Variants in ZFHX3 observed in about 807,000 individuals in gnomAD.
The protein encoded by ZFHX3 is zinc finger homeobox 3.
ZFHX3 carries 42 observed loss-of-function variants against 279.1 expected under a neutral mutation model. That is an observed-to-expected ratio of 0.15 (90% CI 0.12 to 0.19). ZFHX3 has a LOEUF of 0.19. ZFHX3 is among the 10% of genes least tolerant of loss of function. The pLI is 1.00. For missense variants in ZFHX3, 4,981 were observed against 4,754.0 expected (o/e 1.05, Z -1.40); for synonymous variants, 2,293 against 1,957.8 (o/e 1.17, Z -4.52).
intron 2 of ZFHX3, among the ~76,000 whole-genome samples, chr16:73,535,722 C>CTTTTTTTTTTTT (rs56867952): frequency 2.2e-5 from 3 of 139,004 alleles, no homozygotes; most frequent in African/African-American, 2.7e-5. Flanking sequence ...TGCCCCCTAT[C>CTTTTTTTTTTTT]TTTTTTTTTT....
At position 73,459,421 on chromosome 16, in the gene ZFHX3, A is replaced by G. The variant is rs542325266; in HGVS notation, c.-1546-3163T>C. Among the ~76,000 whole-genome samples the G allele has an allele frequency of 1.7e-3, 260 of 152,230 alleles. 2 individuals carry two copies. The highest frequency in any genetic ancestry group is 0.01 in the Middle Eastern group (3 of 294). Reference sequence around the variant, plus strand: ...TATGTCGCCCAGGCTGAAGTGCAGTAGCACTATCTTGGCTGACTGCAACCT... The same window carrying G: ...TATGTCGCCCAGGCTGAAGTGCAGTGGCACTATCTTGGCTGACTGCAACCT... On this transcript the variant is annotated intron_variant, in intron 2 of 17. Transcript: ENST00000641206.
chr16:73,404,796 AC>A (rs2017326930), intron 3 of ZFHX3, among the ~76,000 whole-genome samples: 1 of 152,110 alleles, frequency 6.6e-6, no homozygotes, highest in Non-Finnish European at 1.5e-5. Context: ...TTGTTTTGCT[AC>A]CCCTCCAAGT....
chr16:72,789,460 C>A (rs1456500520), intron 9 of ZFHX3: 1 of 152,248 alleles, frequency 6.6e-6, no homozygotes, highest in Non-Finnish European at 1.5e-5. Context: ...ATAGTATGGC[C>A]ACGAGGTCCC....
chr16:72,931,549 A>G (rs1959807211), intron 3 of ZFHX3, among the ~76,000 whole-genome samples: 1 of 149,038 alleles, frequency 6.7e-6, no homozygotes, highest in Admixed American at 6.8e-5. Flanking sequence ...GACAGGGAAG[A>G]GGAGGGATGC....
chr16:73,634,433 AATATATATATATATATAT>A lies in ZFHX3; in HGVS notation c.-1547+45729_-1547+45746del, dbSNP rs60477881. ...GGCAACTCAACCAGTTATTATGTAT[AATATATATATATATATAT>A]ATATATATATAAAATATATATGTAA... On this transcript the variant is annotated intron_variant, in intron 2 of 17. Transcript: ENST00000641206. 1.9e-3 allele frequency among the ~76,000 whole-genome samples: 115 copies of A among 59,908 alleles called. 3 individuals are homozygous for A. The highest frequency in any genetic ancestry group is 0.028 in the Middle Eastern group (1 of 36). 39.3% of individuals were successfully genotyped at this position (59,908 alleles called of 152,430 possible). A position where few individuals can be genotyped will look rare whatever the true frequency, so the allele number is the denominator to read the frequency against.
At chr16:73,374,095 G>A (rs146127872) in intron 3 of ZFHX3, among the ~76,000 whole-genome samples, 2 of 152,136 alleles carry the variant, frequency 1.3e-5, no homozygotes, top group South Asian at 2.1e-4. Flanking sequence ...ATCACCTATC[G>A]ACGCAGAGGC....
At chr16:73,003,749 T>C (rs937470384) in intron 1 of ZFHX3, among the ~76,000 whole-genome samples, 2 of 151,978 alleles carry the variant, frequency 1.3e-5, no homozygotes, top group Admixed American at 6.6e-5. Context: ...ATTTTTTTAA[T>C]TGTATAGTAT....
chr16:72,859,260 C>G (rs1366677837), intron 4 of ZFHX3, among the ~76,000 whole-genome samples: 1 of 152,242 alleles, frequency 6.6e-6, no homozygotes, highest in Non-Finnish European at 1.5e-5. Context: ...GGCCAATCCT[C>G]TTTCTTTTCC....
chr16:73,600,763 A>G (rs964718755), intron 2 of ZFHX3, among the ~76,000 whole-genome samples: 3 of 152,104 alleles, frequency 2.0e-5, no homozygotes, highest in Admixed American at 2.0e-4. Flanking sequence ...AATCTGCACC[A>G]TTAGGCTTGT....
At chr16:72,913,571 G>C (rs1463226239) in intron 3 of ZFHX3, among the ~76,000 whole-genome samples, 1 of 152,170 alleles carries the variant, frequency 6.6e-6, no homozygotes, top group Non-Finnish European at 1.5e-5. Flanking sequence ...TGTTGACCTT[G>C]ATCACTTTGT....
intron 2 of ZFHX3, among the ~76,000 whole-genome samples, chr16:73,466,158 A>G (rs1389141793): frequency 6.8e-6 from 1 of 146,486 alleles, no homozygotes; most frequent in Non-Finnish European, 1.5e-5. Flanking sequence ...TTCTGCACAG[A>G]AATCATTCTT....
chr16:72,793,166 C>T lies in ZFHX3; in HGVS notation c.9427+89G>A. ...AAAGGTAAGCTTCCCATCTGCCCAG[C>T]ACTCAGAGGGTTTGGGTGGTATCCA... On this transcript the variant is annotated intron_variant, in intron 9 of 9. Coordinates refer to ENST00000268489, the MANE Select transcript of ZFHX3 (RefSeq NM_006885.4). The surrounding 1 kb of genome is among the most constrained non-coding windows in gnomAD (Gnocchi z 4.3). 6.6e-7 allele frequency: 1 copy of T among 1,516,098 alleles called. No homozygotes were observed. Among genetic ancestry groups the T allele is most frequent in the Non-Finnish European group, 8.8e-7 (1 of 1,134,762 alleles). 93.9% of individuals were successfully genotyped at this position (1,516,098 alleles called of 1,614,324 possible).
Position 72,787,515 on chromosome 16 carries a change from C to A in ZFHX3, c.10761G>T (p.Ser3587=), listed in dbSNP as rs776903532. The A allele has an allele frequency of 1.2e-6, 2 of 1,613,790 alleles. No homozygotes were observed. The highest frequency in any genetic ancestry group is 1.7e-5 in the Admixed American group (1 of 59,988). The change falls in exon 10 of 10, where the codon TCG becomes TCT. Residue 3587 remains serine (S), a synonymous_variant. Transcript: ENST00000268489. ...TGTCGTTTGAGTGAGCGGCAGACTG[C>A]GAGGTAGATGCGGTGCTAGGATCGG... The part of the protein sequence containing the change: ...CFPDPSTAST[S]QSAAHSNDSP...
At chr16:73,598,696 A>C (rs2052079218) in intron 2 of ZFHX3, among the ~76,000 whole-genome samples, 1 of 152,066 alleles carries the variant, frequency 6.6e-6, no homozygotes, top group Non-Finnish European at 1.5e-5. Context: ...TTGGGATTAC[A>C]GGCATGAGCC....
At chr16:72,979,122 A>C (rs1487080032) in intron 1 of ZFHX3, among the ~76,000 whole-genome samples, 1 of 152,100 alleles carries the variant, frequency 6.6e-6, no homozygotes, top group Admixed American at 6.5e-5. Flanking sequence ...AGCGTGGAGC[A>C]CATGTGATGG....
rs552637962 is a variant in ZFHX3, at chr16:73,665,359, T to G, written c.-1547+14821A>C. Among the ~76,000 whole-genome samples the G allele has an allele frequency of 5.9e-3, 888 of 151,610 alleles. 13 individuals are homozygous for G. The highest frequency in any genetic ancestry group is 0.02 in the African/African-American group (828 of 41,102). On this transcript the variant is annotated intron_variant, in intron 2 of 17. Transcript: ENST00000641206. ...CTCCCGAGTAGCTGGGATTACAGGC[T>G]CCAGCCACCATGCCCAGCTAATTTT... is the stretch of plus-strand genomic sequence containing the variant.
At chr16:73,096,058 G>C (rs1452940011) in intron 7 of ZFHX3, among the ~76,000 whole-genome samples, 1 of 152,144 alleles carries the variant, frequency 6.6e-6, no homozygotes, top group Non-Finnish European at 1.5e-5. Flanking sequence ...GAGGGGCCTG[G>C]AGATGCTGGC....
Position 73,023,457 on chromosome 16 carries a change from A to G in ZFHX3, c.-50+24295T>C, listed in dbSNP as rs188173485. ...AGGGAGGAAAGGCTGGATCCCAGAA[A>G]CTCTTAAGGTGAATAAGATAAGCAC... On this transcript the variant is annotated intron_variant, in intron 1 of 9. Transcript: ENST00000268489. Among the ~76,000 whole-genome samples the G allele has an allele frequency of 4.8e-3, 733 of 152,084 alleles. 21 individuals are homozygous for G. Among genetic ancestry groups the G allele is most frequent in the Non-Finnish European group, 9.9e-4 (67 of 67,990 alleles).
chr16:73,579,091 C>T (rs2051830374), intron 2 of ZFHX3, among the ~76,000 whole-genome samples: 1 of 152,238 alleles, frequency 6.6e-6, no homozygotes, highest in South Asian at 2.1e-4. Flanking sequence ...CTGGAAGCTT[C>T]ATCTGCGTGA....
Sources: allele counts gnomAD v4.1 joint callset (sites outside exome capture counted in the v4.1 genomes callset), GRCh38; gene constraint gnomAD v4.1.1; non-coding constraint Gnocchi (gnomAD v3.1); transcripts MANE v1.5; gene names NCBI Gene and HGNC (gene_info 2026-07-23, HGNC 2026-07-21).